SPTLC3: variants seen among roughly 807,000 people sequenced by gnomAD.
SPTLC3 encodes serine palmitoyltransferase 3.
Under a neutral mutation model 59.3 loss-of-function variants are expected in SPTLC3, and 36 were observed. The observed-to-expected ratio is 0.61, with a 90% CI of 0.47 to 0.80. The LOEUF is 0.80. Among genes scored for constraint, SPTLC3 ranks in the 30% least tolerant of loss-of-function variants. The pLI is 0.00. For synonymous variants in SPTLC3, 257 were observed against 240.8 expected (o/e 1.07, Z -0.62); for missense variants, 625 against 685.1 (o/e 0.91, Z 0.98).
intron 2 of SPTLC3, among the ~76,000 whole-genome samples, chr20:13,052,364 G>C (rs34357626): frequency 0.1 from 15,216 of 152,174 alleles, 818 homozygotes; most frequent in African/African-American, 0.11. Flanking sequence ...TTTTCCCACA[G>C]TCTTCACAAC....
rs142649366 is a variant in SPTLC3 at position 13,070,777 on chromosome 20, G to A, written c.304-1479G>A. ...TCAGAGAGGTAACCAGAAGCTATAT[G>A]AGTCAGGATGTCTAATCAGGAGTGA... On this transcript the variant is annotated intron_variant, in intron 2 of 11. Coordinates refer to ENST00000399002, the MANE Select transcript of SPTLC3 (RefSeq NM_018327.4). Among the ~76,000 whole-genome samples, 791 of 152,254 alleles carry A rather than the reference G, an allele frequency of 5.2e-3. 1 individual carries two copies. Among genetic ancestry groups the A allele is most frequent in the Non-Finnish European group, 8.9e-3 (603 of 68,014 alleles).
intron 9 of SPTLC3, among the ~76,000 whole-genome samples, chr20:13,140,102 A>T (rs950361023): frequency 1.3e-5 from 2 of 152,142 alleles, no homozygotes; most frequent in African/African-American, 4.8e-5. Context: ...AATGACATAA[A>T]ATTGGAGTAG....
intron 1 of SPTLC3, among the ~76,000 whole-genome samples, chr20:13,027,741 C>A (rs1432956472): frequency 1.3e-5 from 2 of 151,902 alleles, no homozygotes; most frequent in Admixed American, 1.3e-4. Flanking sequence ...ATCAGTCTTA[C>A]TAAAATTTTA....
At chr20:13,126,916 C>T (rs962670279) in intron 9 of SPTLC3, among the ~76,000 whole-genome samples, 199 bp downstream of exon 9, 2 of 152,222 alleles carry the variant, frequency 1.3e-5, no homozygotes, top group African/African-American at 2.4e-5. Context: ...TTCTAATTTA[C>T]CTCATTGTGA....
chr20:13,009,303 G>C lies in SPTLC3; in HGVS notation c.36G>C (p.Gly12=). ...ANPGGGAVCN[G]KLHNHKKQSN... is the part of the protein sequence containing the mutation. ...CTGGAGGTGGTGCTGTTTGCAACGG[G>C]AAACTTCACAATCACAAGAAACAGA... is the stretch of plus-strand genomic sequence containing the variant. Residue 12 remains glycine (G), a synonymous_variant, in exon 1 of 12, where the codon GGG becomes GGC. Coordinates refer to ENST00000399002, the MANE Select transcript of SPTLC3 (RefSeq NM_018327.4). 1 of 1,614,036 alleles carries C rather than the reference G, an allele frequency of 6.2e-7. No individual in the cohort carries two copies. Among genetic ancestry groups the C allele is most frequent in the Non-Finnish European group, 8.5e-7 (1 of 1,179,978 alleles).
intron 4 of SPTLC3, among the ~76,000 whole-genome samples, chr20:13,086,087 T>C (rs1284744375): frequency 6.6e-6 from 1 of 152,226 alleles, no homozygotes; most frequent in Non-Finnish European, 1.5e-5. Context: ...TACCTTCAGA[T>C]AGCATTATAA....
At chr20:13,082,634 C>A (rs1988878852) in intron 4 of SPTLC3, among the ~76,000 whole-genome samples, 1 of 152,098 alleles carries the variant, frequency 6.6e-6, no homozygotes, top group Non-Finnish European at 1.5e-5. Flanking sequence ...CTGCAAAGCC[C>A]AAAACATTTA....
chr20:13,104,320 T>C (rs1009046193), intron 6 of SPTLC3, among the ~76,000 whole-genome samples: 3 of 152,148 alleles, frequency 2.0e-5, no homozygotes, highest in Non-Finnish European at 4.4e-5. Context: ...TGGGAGATAA[T>C]TGAATTATGG....
intron 6 of SPTLC3, among the ~76,000 whole-genome samples, chr20:13,102,764 T>C (rs1158678732): frequency 6.6e-6 from 1 of 152,202 alleles, no homozygotes; most frequent in Non-Finnish European, 1.5e-5. Context: ...GTACTTTGTC[T>C]CATTCCACAA....
chr20:13,061,526 A>T (rs1987974435), intron 2 of SPTLC3, among the ~76,000 whole-genome samples: 1 of 152,038 alleles, frequency 6.6e-6, no homozygotes, highest in South Asian at 2.1e-4. Context: ...TTCAGCCTTG[A>T]CACATCCAAA....
At chr20:13,119,546 T>C (rs1990782930) in intron 8 of SPTLC3, among the ~76,000 whole-genome samples, 1 of 152,248 alleles carries the variant, frequency 6.6e-6, no homozygotes, top group African/African-American at 2.4e-5. Context: ...TGTACATCTG[T>C]TCATTTTCTT....
At position 13,062,267 on chromosome 20, in the gene SPTLC3, C is replaced by T. The variant is rs115217990; in HGVS notation, c.304-9989C>T. ...CTTCTGGCTAAAAAGCAAGAAGGGG[C>T]GAAAGTTGTCCACAGTTGTATCTGG... On this transcript the variant is annotated intron_variant, in intron 2 of 11. Transcript: ENST00000399002. Among the ~76,000 whole-genome samples, 260 of 152,162 alleles carry T rather than the reference C, an allele frequency of 1.7e-3. 1 individual carries two copies. The highest frequency in any genetic ancestry group is 4.3e-3 in the African/African-American group (178 of 41,528).
chr20:13,096,298 G>A (rs1989409681), intron 6 of SPTLC3, among the ~76,000 whole-genome samples: 1 of 152,112 alleles, frequency 6.6e-6, no homozygotes, highest in Non-Finnish European at 1.5e-5. Flanking sequence ...AGGAATGAAA[G>A]TGTGTGTCCA....
chr20:13,073,474 A>C (rs574643782), intron 3 of SPTLC3, among the ~76,000 whole-genome samples: 1 of 152,108 alleles, frequency 6.6e-6, no homozygotes, highest in African/African-American at 2.4e-5. Context: ...CCCCTCCAGC[A>C]CTAGGATAAT....
At chr20:13,163,827 C>T (rs1353629630) in intron 11 of SPTLC3, among the ~76,000 whole-genome samples, 1 of 152,146 alleles carries the variant, frequency 6.6e-6, no homozygotes, top group Non-Finnish European at 1.5e-5. Context: ...TTAAGAAAAA[C>T]AGGCTCAGAA....
In SPTLC3 at chr20:13,085,411, C is replaced by A. The variant is rs142624006; in HGVS notation, c.608-5672C>A. On this transcript the variant is annotated intron_variant, in intron 4 of 11. Coordinates refer to ENST00000399002, the MANE Select transcript of SPTLC3 (RefSeq NM_018327.4). ...ATGCTGGCTTTAATGCAAGAATTAC[C>A]AGTTCAAGCAAAGTGGCACAGATGT... Among the ~76,000 whole-genome samples, 567 of 152,062 alleles carry A rather than the reference C, an allele frequency of 3.7e-3. 3 individuals carry two copies. Among genetic ancestry groups the A allele is most frequent in the African/African-American group, 0.013 (547 of 41,476 alleles).
intron 1 of SPTLC3, among the ~76,000 whole-genome samples, chr20:13,030,668 T>C (rs79453999): frequency 0.049 from 7,384 of 152,188 alleles, 223 homozygotes; most frequent in South Asian, 0.083. Context: ...CTACTAGCAA[T>C]GGACAAAGTG....
chr20:13,046,290 C>T (rs372627179), intron 1 of SPTLC3, among the ~76,000 whole-genome samples: 18 of 152,204 alleles, frequency 1.2e-4, no homozygotes, highest in African/African-American at 3.9e-4. Flanking sequence ...TTTTCTCCTA[C>T]ATTCCTCAGT....
intron 3 of SPTLC3, chr20:13,073,674 G>A (rs530424337): frequency 2.3e-4 from 79 of 345,684 alleles, no homozygotes; most frequent in Non-Finnish European, 6.3e-5. Flanking sequence ...TTTTTTTAAT[G>A]TGACTGCTTA....
Sources: gnomAD v4.1 joint callset for allele counts (sites outside exome capture counted in the v4.1 genomes callset) on GRCh38, gnomAD v4.1.1 for gene constraint, MANE v1.5 for transcripts, NCBI Gene and HGNC (gene_info 2026-07-23, HGNC 2026-07-21) for gene names.